RABL6: variants seen among roughly 807,000 people sequenced by gnomAD.
RABL6 encodes rab-like protein 6.
In RABL6, 28 loss-of-function variants were observed where a neutral mutation model predicts 72.9. The observed-to-expected ratio is 0.38, with a 90% CI of 0.28 to 0.53. The LOEUF is 0.53. Among genes scored for constraint, RABL6 ranks in the 20% least tolerant of loss-of-function variants. The pLI is 0.80. For synonymous variants in RABL6, 477 were observed against 421.2 expected, an observed-to-expected ratio of 1.13 and a Z score of -1.62; for missense variants, 1,029 against 1,008.4, an observed-to-expected ratio of 1.02 and a Z score of -0.28.
At chr9:136,824,505 A>T (rs866353954) in intron 2 of RABL6, among the ~76,000 whole-genome samples, 1 of 150,944 alleles carries the variant, frequency 6.6e-6, no homozygotes, top group Non-Finnish European at 1.5e-5. Flanking sequence ...AATTATTTGT[A>T]TTTTTAGTAG....
intron 1 of RABL6, among the ~76,000 whole-genome samples, chr9:136,818,746 A>C (rs1848178483): frequency 1.3e-5 from 2 of 152,120 alleles, no homozygotes; most frequent in South Asian, 4.2e-4. Flanking sequence ...CTTAATCAAA[A>C]AAAAAAAAGG....
At chr9:136,835,708 G>A in intron 7 of RABL6, 34 bp from the exon 8 acceptor site, 1 of 1,524,598 alleles carries the variant, frequency 6.6e-7, no homozygotes. Flanking sequence ...GCAGGAAGGA[G>A]CCCTGCTCAG....
In RABL6 at chr9:136,821,361, G is replaced by C. The variant is rs999941643; in HGVS notation, c.131-2164G>C. ...GGAAAGACCCGGAGACGGGACCACC[G>C]CATGTGGAAACCACCGGGAAGCACA... On this transcript the variant is annotated intron_variant, in intron 1 of 14. Transcript: ENST00000311502. 7.1e-6 allele frequency: 7 copies of C among 985,342 alleles called. No homozygotes were observed. The African/African-American group carries it at 1.2e-4, about 17-fold the overall frequency. The allele number at this position is 985,342 out of a possible 1,614,324, so 61.0% of individuals were successfully genotyped here.
chr9:136,823,452 T>G, intron 1 of RABL6, 73 bp from the exon 2 acceptor site: 3 of 1,573,530 alleles, frequency 1.9e-6, no homozygotes, highest in Non-Finnish European at 2.6e-6. Context: ...GCTCTCCTTG[T>G]AGTTGCTCTT....
intron 1 of RABL6, among the ~76,000 whole-genome samples, chr9:136,816,953 T>C (rs1848131874): frequency 6.6e-6 from 1 of 152,154 alleles, no homozygotes; most frequent in Non-Finnish European, 1.5e-5. Flanking sequence ...AAATGTATGT[T>C]AAAATTGATA....
chr9:136,834,420 G>T, intron 7 of RABL6: 2 of 986,698 alleles, frequency 2.0e-6, no homozygotes, highest in Non-Finnish European at 2.4e-6. Context: ...CAAGTCTGTA[G>T]ATTTCTCTTT....
intron 8 of RABL6, chr9:136,837,127 GGCCTCCTACAGT>G (rs1037515786): frequency 1.5e-6 from 1 of 686,534 alleles, no homozygotes; most frequent in Admixed American, 2.1e-5. Flanking sequence ...TGCCTGCCTT[GGCCTCCTACAGT>G]GCTGGGATTA....
rs752097618 is a variant in RABL6 at position 136,837,475 on chromosome 9, C to T, written c.939C>T (p.Ser313=). ...PAGAVSTGSS[S]PGTPQPAPQL... ...GCGCTGTGTCCACGGGGAGCTCCAG[C>T]CCCGGCACACCCCAGCCCGCCCCAC... Residue 313 remains serine (S), a synonymous_variant, in exon 9 of 15, where the codon AGC becomes AGT. Coordinates refer to ENST00000311502, the MANE Select transcript of RABL6 (RefSeq NM_024718.5). The T allele has an allele frequency of 6.4e-7, 1 of 1,550,746 alleles. No individual in the cohort carries two copies. Among genetic ancestry groups the T allele is most frequent in the Non-Finnish European group, 8.7e-7 (1 of 1,151,368 alleles).
At chr9:136,834,046 CTG>C in intron 7 of RABL6, 4 of 1,450,444 alleles carry the variant, frequency 2.8e-6, no homozygotes, top group Non-Finnish European at 3.6e-6. Context: ...TAGGGCTGAG[CTG>C]TGTGTGACTA....
At chr9:136,825,928 C>T in intron 3 of RABL6, 102 bp downstream of exon 3, 1 of 1,373,950 alleles carries the variant, frequency 7.3e-7, no homozygotes, top group Non-Finnish European at 1.0e-6. Flanking sequence ...ACCCACCATC[C>T]TCGTGGACGG....
rs1848605784 is a variant in RABL6, at chr9:136,837,531, C to G, written c.995C>G (p.Ser332Cys). Reference sequence around the variant, plus strand: ...CCCCTCAATGCCGCCCCACCATCCTCTGTGCCCCCTGTACCACCCTCAGAG... The same window carrying G: ...CCCCTCAATGCCGCCCCACCATCCTGTGTGCCCCCTGTACCACCCTCAGAG... ...QLPLNAAPPS[S>C]VPPVPPSEAL... The change falls in exon 9 of 15, where the codon TCT (serine) becomes TGT (cysteine). Residue 332 changes from serine (S) to cysteine (C), a missense_variant. Coordinates refer to ENST00000311502, the MANE Select transcript of RABL6 (RefSeq NM_024718.5). 1.3e-6 allele frequency: 2 copies of G among 1,547,228 alleles called. No homozygotes were observed. The highest frequency in any genetic ancestry group is 8.7e-7 in the Non-Finnish European group (1 of 1,149,420).
intron 12 of RABL6, 71 bp from the exon 13 acceptor site, chr9:136,839,623 G>C (rs1004979569): frequency 1.4e-5 from 21 of 1,543,940 alleles, no homozygotes; most frequent in Non-Finnish European, 1.7e-5. Context: ...TTGCCGGCCT[G>C]GTTTGAGATC....
rs1006612166 is a variant in RABL6 at position 136,808,208 on chromosome 9, C to T, written c.12C>T (p.Ala4=). The change falls in exon 1 of 15, where the codon GCC becomes GCT. Residue 4 remains alanine, a synonymous_variant. Transcript: ENST00000311502. ...GTCCGAGCGGGAAGATGTTTTCCGCCCTGAAGAAGCTGGTGGGGTCGGACC... is the reference window on the plus strand; with the variant it reads ...GTCCGAGCGGGAAGATGTTTTCCGCTCTGAAGAAGCTGGTGGGGTCGGACC... The part of the protein sequence containing the change: MFS[A]LKKLVGSDQA... 6.5e-6 allele frequency: 10 copies of T among 1,542,752 alleles called. No homozygotes were observed. The highest frequency in any genetic ancestry group is 8.7e-6 in the Non-Finnish European group (10 of 1,146,826).
chr9:136,835,532 GTC>G, intron 7 of RABL6: 1 of 531,682 alleles, frequency 1.9e-6, no homozygotes, highest in Non-Finnish European at 3.3e-6. Context: ...GTGTGTAGGT[GTC>G]GTGCCGGCCA....
chr9:136,822,227 C>G (rs1387548184), intron 1 of RABL6, among the ~76,000 whole-genome samples: 1 of 152,180 alleles, frequency 6.6e-6, no homozygotes, highest in East Asian at 1.9e-4. Context: ...GAGGAGGCTG[C>G]AGACCTGACA....
rs370549513 is a variant in RABL6 at position 136,830,026 on chromosome 9, G to C, written c.458+542G>C. On this transcript the variant is annotated intron_variant, in intron 5 of 14. Transcript: ENST00000311502. The stretch of plus-strand genomic sequence containing the variant: ...CCCCAGGACGCACCGGAGCCCCAGC[G>C]GGGGGGTGCTGCGGACGCACACTTG... 9.2e-5 allele frequency among the ~76,000 whole-genome samples: 14 copies of C among 152,272 alleles called. No homozygotes were observed. The South Asian group carries it at 2.3e-3, about 25-fold the overall frequency.
At chr9:136,839,630 G>C in intron 12 of RABL6, 64 bp from the exon 13 acceptor site, 1 of 1,544,556 alleles carries the variant, frequency 6.5e-7, no homozygotes. Flanking sequence ...CCTGGTTTGA[G>C]ATCCCACAAC....
chr9:136,818,353 ACT>A (rs1366266184), intron 1 of RABL6, among the ~76,000 whole-genome samples: 1 of 109,802 alleles, frequency 9.1e-6, no homozygotes, highest in Non-Finnish European at 1.7e-5. Flanking sequence ...ACAAAACCAG[ACT>A]CTGTCTCAAA....
intron 7 of RABL6, chr9:136,834,184 A>G (rs1848540544): frequency 7.2e-6 from 9 of 1,252,984 alleles, no homozygotes; most frequent in Admixed American, 3.8e-5. Flanking sequence ...TCTTTATGTC[A>G]CCTAAAAATA....
Sources: allele counts gnomAD v4.1 joint callset (sites outside exome capture counted in the v4.1 genomes callset), GRCh38; gene constraint gnomAD v4.1.1; transcripts MANE v1.5; gene names NCBI Gene and HGNC (gene_info 2026-07-23, HGNC 2026-07-21).